Variants in CAMK1D observed in about 807,000 individuals in gnomAD.
The protein encoded by CAMK1D is calcium/calmodulin dependent protein kinase ID, also known as calcium/calmodulin-dependent protein kinase type 1D.
A neutral mutation model predicts 47.7 loss-of-function variants in CAMK1D; 9 were observed. The observed-to-expected ratio is 0.19, with a 90% confidence interval of 0.11 to 0.33. The LOEUF (loss-of-function observed/expected upper bound fraction) is 0.33. Among genes scored for constraint, CAMK1D ranks in the 10% least tolerant of loss-of-function variants. The pLI, the probability that CAMK1D is intolerant of heterozygous loss-of-function variation, is 1.00. For missense variants in CAMK1D, 291 were observed against 488.7 expected (o/e 0.60, Z 3.81); for synonymous variants, 184 against 184.9 (o/e 0.99, Z 0.04).
chr10:12,792,415 T>A (rs978585848), intron 6 of CAMK1D, among the ~76,000 whole-genome samples: 1 of 152,276 alleles, frequency 6.6e-6, no homozygotes, highest in African/African-American at 2.4e-5. Flanking sequence ...CCAACTTGTT[T>A]CTGCAATTGC....
intron 1 of CAMK1D, among the ~76,000 whole-genome samples, chr10:12,474,218 T>C (rs1470454835): frequency 6.8e-6 from 1 of 147,676 alleles, no homozygotes; most frequent in South Asian, 2.2e-4. Context: ...TTTTTTTTTT[T>C]GAGAGAGTCT....
At chr10:12,453,672 A>G (rs1399129828) in intron 1 of CAMK1D, among the ~76,000 whole-genome samples, 6 of 152,224 alleles carry the variant, frequency 3.9e-5, no homozygotes, top group Non-Finnish European at 7.3e-5. Flanking sequence ...TCGTTGAAAT[A>G]TAATACAGGC....
In CAMK1D at chr10:12,791,174, C is replaced by A; in HGVS notation, c.582C>A (p.Ala194=). 6.2e-7 allele frequency: 1 copy of A among 1,614,140 alleles called. No homozygotes were observed. Among genetic ancestry groups the A allele is most frequent in the Non-Finnish European group, 8.5e-7 (1 of 1,180,006 alleles). ...TTTCTGCAGCTCCTGAAGTCCTCGC[C>A]CAGAAACCTTACAGCAAAGCCGTTG... ...TPGYVAPEVL[A]QKPYSKAVDC... The change falls in exon 6 of 11, where the codon GCC becomes GCA. Residue 194 remains alanine (A), a synonymous_variant. Coordinates refer to ENST00000619168, the MANE Select transcript of CAMK1D (RefSeq NM_153498.4).
At chr10:12,365,414 A>G (rs191489918) in intron 1 of CAMK1D, among the ~76,000 whole-genome samples, 1 of 152,152 alleles carries the variant, frequency 6.6e-6, no homozygotes, top group Admixed American at 6.5e-5. Flanking sequence ...AGCAATTATG[A>G]TGTTGCAAAG....
intron 2 of CAMK1D, among the ~76,000 whole-genome samples, chr10:12,605,425 C>T (rs987892117): frequency 7.9e-5 from 12 of 151,776 alleles, no homozygotes; most frequent in Admixed American, 6.6e-4. Context: ...CAGAACTTCA[C>T]TACTGTGGCA....
At chr10:12,362,529 G>A (rs1274282352) in intron 1 of CAMK1D, among the ~76,000 whole-genome samples, 7 of 151,992 alleles carry the variant, frequency 4.6e-5, no homozygotes, top group South Asian at 2.1e-4. Flanking sequence ...ATGGAGTCTC[G>A]CCCCGTCCCC....
chr10:12,627,595 A>G (rs1193793570), intron 2 of CAMK1D, among the ~76,000 whole-genome samples: 2 of 152,098 alleles, frequency 1.3e-5, no homozygotes, highest in African/African-American at 4.8e-5. Flanking sequence ...GTATGGCCAC[A>G]TATTATTTTT....
intron 3 of CAMK1D, among the ~76,000 whole-genome samples, chr10:12,737,222 T>C (rs1241137027): frequency 6.6e-6 from 1 of 152,102 alleles, no homozygotes; most frequent in Admixed American, 6.5e-5. Flanking sequence ...TTTCCCTCCC[T>C]GTTGTTCCTG....
chr10:12,689,793 TG>T (rs1564494164), intron 3 of CAMK1D, among the ~76,000 whole-genome samples: 1 of 150,516 alleles, frequency 6.6e-6, no homozygotes, highest in African/African-American at 2.4e-5. Flanking sequence ...AAAAAAGAAA[TG>T]GTTTGAACTG....
intron 1 of CAMK1D, among the ~76,000 whole-genome samples, chr10:12,512,371 A>G (rs1180877107): frequency 8.5e-5 from 13 of 152,178 alleles, no homozygotes; most frequent in African/African-American, 3.1e-4. Flanking sequence ...AGTCTCCATC[A>G]CCAGCAAAAA....
At chr10:12,438,928 G>A (rs1217584455) in intron 1 of CAMK1D, among the ~76,000 whole-genome samples, 1 of 152,188 alleles carries the variant, frequency 6.6e-6, no homozygotes, top group African/African-American at 2.4e-5. Context: ...AATTTTTTAA[G>A]AAAGACTTAA....
chr10:12,756,653 A>G lies in CAMK1D; in HGVS notation c.300-4295A>G, dbSNP rs182368686. ...AGAGACTGAACAAACACAGCTGGGCACGGTGGCTCACACCTGTAATCCCAG... is the reference window on the plus strand; with the variant it reads ...AGAGACTGAACAAACACAGCTGGGCGCGGTGGCTCACACCTGTAATCCCAG... On this transcript the variant is annotated intron_variant, in intron 3 of 10. Transcript: ENST00000619168. Among the ~76,000 whole-genome samples, 424 of 152,258 alleles carry G rather than the reference A, an allele frequency of 2.8e-3. 2 individuals carry two copies. The highest frequency in any genetic ancestry group is 4.9e-3 in the Non-Finnish European group (331 of 68,006).
In CAMK1D at chr10:12,745,510, G is replaced by C. The variant is rs191629744; in HGVS notation, c.300-15438G>C. The stretch of plus-strand genomic sequence containing the variant: ...TGCTGAAGAAAGCATCTCTATCTAA[G>C]GTCACTTACATGAGTTTTTCAAGTG... On this transcript the variant is annotated intron_variant, in intron 3 of 10. Transcript: ENST00000619168. 3.4e-3 allele frequency among the ~76,000 whole-genome samples: 511 copies of C among 152,228 alleles called. 1 individual carries two copies. The highest frequency in any genetic ancestry group is 0.012 in the African/African-American group (487 of 41,530).
At chr10:12,781,894 G>A (rs558619984) in intron 5 of CAMK1D, among the ~76,000 whole-genome samples, 4 of 151,948 alleles carry the variant, frequency 2.6e-5, no homozygotes, top group African/African-American at 7.2e-5. Context: ...GTGACCCACC[G>A]GCCTCAGCTT....
intron 1 of CAMK1D, among the ~76,000 whole-genome samples, chr10:12,382,606 C>T (rs559986681): frequency 2.1e-4 from 32 of 152,258 alleles, no homozygotes; most frequent in South Asian, 2.1e-3. Flanking sequence ...GGGCGGATCA[C>T]CTGAGGTCAG....
intron 1 of CAMK1D, among the ~76,000 whole-genome samples, chr10:12,401,515 A>G: frequency 6.6e-6 from 1 of 150,814 alleles, no homozygotes; most frequent in South Asian, 2.1e-4. Context: ...AAAAACAGCC[A>G]GTGCTGAGCC....
At chr10:12,358,439 G>T (rs961351526) in intron 1 of CAMK1D, among the ~76,000 whole-genome samples, 1 of 152,072 alleles carries the variant, frequency 6.6e-6, no homozygotes, top group East Asian at 1.9e-4. Flanking sequence ...AGGCTGAGGC[G>T]TGAGAAACGC....
rs567774570 is a variant in CAMK1D at position 12,522,265 on chromosome 10, C to T, written c.93-30960C>T. Reference sequence around the variant, plus strand: ...CGCAGAGGGGGATTTGGCAGGGTCACAGGACAATAGTGGAGGGAAGGTCAG... The same window carrying T: ...CGCAGAGGGGGATTTGGCAGGGTCATAGGACAATAGTGGAGGGAAGGTCAG... On this transcript the variant is annotated intron_variant, in intron 1 of 10. Transcript: ENST00000619168. Among the ~76,000 whole-genome samples, 349 of 139,982 alleles carry T rather than the reference C, an allele frequency of 2.5e-3. 4 individuals are homozygous for T. Among genetic ancestry groups the T allele is most frequent in the African/African-American group, 8.7e-3 (324 of 37,102 alleles). 91.8% of individuals were successfully genotyped at this position (139,982 alleles called of 152,430 possible).
intron 1 of CAMK1D, among the ~76,000 whole-genome samples, chr10:12,381,976 G>A (rs1417008484): frequency 6.6e-6 from 1 of 152,166 alleles, no homozygotes; most frequent in Non-Finnish European, 1.5e-5. Flanking sequence ...GACACTCATT[G>A]TGTGGGTTTT....
Sources: gnomAD v4.1 joint callset for allele counts (sites outside exome capture counted in the v4.1 genomes callset) on GRCh38, gnomAD v4.1.1 for gene constraint, MANE v1.5 for transcripts, NCBI Gene and HGNC (gene_info 2026-07-23, HGNC 2026-07-21) for gene names.